Variants in TGFA observed in about 807,000 individuals in gnomAD.
The protein encoded by TGFA is transforming growth factor alpha.
Under a neutral mutation model 21.7 loss-of-function variants are expected in TGFA, and 12 were observed. That is an observed-to-expected ratio of 0.55 (90% CI 0.35 to 0.90). The LOEUF is 0.90. TGFA is among the 40% of genes least tolerant of loss of function. TGFA has a pLI of 0.01. For missense variants in TGFA, 178 were observed against 210.8 expected (o/e 0.84, Z 0.96); for synonymous variants, 79 against 88.1 (o/e 0.90, Z 0.58).
intron 1 of TGFA, among the ~76,000 whole-genome samples, chr2:70,546,351 C>T (rs1014023818): frequency 6.6e-6 from 1 of 151,996 alleles, no homozygotes; most frequent in Admixed American, 6.6e-5. Flanking sequence ...GGTACATGTG[C>T]AGGTTTGTTA....
chr2:70,483,215 C>T (rs1671174405), intron 2 of TGFA, among the ~76,000 whole-genome samples: 1 of 152,218 alleles, frequency 6.6e-6, no homozygotes, highest in Non-Finnish European at 1.5e-5. Context: ...TAAAGTTAAT[C>T]TGCTGTGACT....
chr2:70,502,226 C>G (rs1671758715), intron 2 of TGFA, among the ~76,000 whole-genome samples: 1 of 152,202 alleles, frequency 6.6e-6, no homozygotes, highest in Non-Finnish European at 1.5e-5. Flanking sequence ...GCTTTGGGTG[C>G]TGTAATTCTA....
At chr2:70,493,716 A>C (rs965970478) in intron 2 of TGFA, among the ~76,000 whole-genome samples, 2 of 152,226 alleles carry the variant, frequency 1.3e-5, no homozygotes, top group Non-Finnish European at 2.9e-5. Flanking sequence ...ATACCTAATG[A>C]TGGTTAACAA....
intron 2 of TGFA, among the ~76,000 whole-genome samples, chr2:70,495,096 A>G (rs1157771568): frequency 2.0e-5 from 3 of 152,192 alleles, no homozygotes; most frequent in African/African-American, 7.2e-5. Flanking sequence ...ATCACCTAGA[A>G]CTTATTTTAG....
intron 2 of TGFA, among the ~76,000 whole-genome samples, chr2:70,478,500 G>GAAAA (rs5832013): frequency 6.8e-6 from 1 of 147,838 alleles, no homozygotes. Flanking sequence ...GATACCACTG[G>GAAAA]AAAAAAAAAA....
Position 70,553,816 on chromosome 2 carries a change from G to T in TGFA, c.-49C>A, listed in dbSNP as rs781945869. 8.0e-7 allele frequency: 1 copy of T among 1,249,666 alleles called. No homozygotes were observed. The highest frequency in any genetic ancestry group is 1.5e-5 in the African/African-American group (1 of 64,666). 77.4% of individuals were successfully genotyped at this position (1,249,666 alleles called of 1,614,324 possible). A position where few individuals can be genotyped will look rare whatever the true frequency, so the allele number is the denominator to read the frequency against. The stretch of plus-strand genomic sequence containing the variant: ...CTCTCCAGCCTCCTGCCCTACCTGC[G>T]GTGCCCGAGTGGCGGAGCGGCGCCG... On this transcript the variant is annotated 5_prime_UTR_variant, in exon 1 of 6. Coordinates refer to ENST00000295400, the MANE Select transcript of TGFA (RefSeq NM_003236.4).
Sources: allele counts gnomAD v4.1 joint callset (sites outside exome capture counted in the v4.1 genomes callset), GRCh38; gene constraint gnomAD v4.1.1; transcripts MANE v1.5; gene names NCBI Gene and HGNC (gene_info 2026-07-23, HGNC 2026-07-21).